Variants in HIBCH observed in about 807,000 individuals in gnomAD.
HIBCH encodes the protein 3-hydroxyisobutyryl-CoA hydrolase, also known as 3-hydroxyisobutyryl-CoA hydrolase, mitochondrial.
In HIBCH, 50 loss-of-function variants were observed where a neutral mutation model predicts 58.2. That is an observed-to-expected ratio of 0.86 (90% CI 0.68 to 1.09). The LOEUF is 1.09. Among genes scored for constraint, HIBCH ranks in the 50% least tolerant of loss-of-function variants. The probability of loss-of-function intolerance (pLI) is 0.00; values close to 1 mark genes in which losing one functional copy is unlikely to be tolerated. For missense variants in HIBCH, 450 were observed against 449.7 expected (o/e 1.00, Z -0.01); for synonymous variants, 151 against 146.9 (o/e 1.03, Z -0.20).
Position 190,286,393 on chromosome 2 carries a change from T to C in HIBCH, c.438+1193A>G, listed in dbSNP as rs576391859. Among the ~76,000 whole-genome samples the C allele has an allele frequency of 3.9e-5, 6 of 152,328 alleles. No homozygotes were observed. The East Asian group carries it at 9.6e-4, about 24-fold the overall frequency. On this transcript the variant is annotated intron_variant, in intron 6 of 13. Transcript: ENST00000359678. ...GGGTCTTCTTTTCTGAAGGCTCCCA[T>C]GTCATGTAAAACTTTGATTAAACAA...
At chr2:190,253,782 C>T (rs1686847163) in intron 7 of HIBCH, among the ~76,000 whole-genome samples, 1 of 152,156 alleles carries the variant, frequency 6.6e-6, no homozygotes, top group African/African-American at 2.4e-5. Flanking sequence ...CCACTACATC[C>T]CTTACTACTC....
In HIBCH at chr2:190,210,991, C is replaced by G. The variant is rs977649356; in HGVS notation, c.1011+1965G>C. Among the ~76,000 whole-genome samples, 2 of 151,928 alleles carry G rather than the reference C, an allele frequency of 1.3e-5. No homozygotes were observed. The highest frequency in any genetic ancestry group is 2.9e-5 in the Non-Finnish European group (2 of 67,994). ...TATAATATATATTTTATGTATTAAT[C>G]TTGTTTACAGTCTATTTCCCCATTA... On this transcript the variant is annotated intron_variant, in intron 12 of 13. Transcript: ENST00000359678. The surrounding 1 kb of genome is among the most constrained non-coding windows in gnomAD (Gnocchi z 5.5).
At chr2:190,201,612 A>T (rs1690246230), downstream of HIBCH, 1 of 167,088 alleles carries the variant, frequency 6.0e-6, no homozygotes, top group African/African-American at 2.4e-5. Flanking sequence ...ACCCACAATC[A>T]AATAGAGTGA....
intron 2 of HIBCH, among the ~76,000 whole-genome samples, chr2:190,299,189 G>C (rs940031657): frequency 7.2e-5 from 11 of 152,070 alleles, no homozygotes; most frequent in Admixed American, 6.6e-4. Flanking sequence ...ACACTTATTA[G>C]CAAAAATCTA....
intron 6 of HIBCH, among the ~76,000 whole-genome samples, chr2:190,282,454 C>T (rs1341209206): frequency 6.6e-6 from 1 of 152,168 alleles, no homozygotes; most frequent in Admixed American, 6.5e-5. Context: ...AGGAAGCAAC[C>T]TCACTTTACA....
At chr2:190,249,339 T>C (rs1300584114) in intron 9 of HIBCH, among the ~76,000 whole-genome samples, 2 of 152,214 alleles carry the variant, frequency 1.3e-5, no homozygotes, top group Non-Finnish European at 1.5e-5. Context: ...CAAATAGTGT[T>C]AACATTGAAC....
intron 6 of HIBCH, among the ~76,000 whole-genome samples, chr2:190,266,750 T>G (rs1314537872): frequency 2.0e-5 from 3 of 149,526 alleles, no homozygotes; most frequent in Non-Finnish European, 4.5e-5. Context: ...TGAGCCGTTT[T>G]TATTTTTAAT....
intron 1 of HIBCH, among the ~76,000 whole-genome samples, chr2:190,198,121 AG>A (rs1690064196): frequency 6.6e-6 from 1 of 152,220 alleles, no homozygotes; most frequent in Admixed American, 6.5e-5. Context: ...AGCGTGAAGC[AG>A]GGCATACAGA....
At chr2:190,310,459 C>A (rs1448266866) in intron 2 of HIBCH, among the ~76,000 whole-genome samples, 8 of 152,102 alleles carry the variant, frequency 5.3e-5, no homozygotes, top group Admixed American at 5.2e-4. Flanking sequence ...TATTATTATT[C>A]TCACTTTATA....
intron 7 of HIBCH, among the ~76,000 whole-genome samples, chr2:190,259,086 C>T (rs995224321): frequency 2.0e-5 from 3 of 152,040 alleles, no homozygotes; most frequent in African/African-American, 4.8e-5. Context: ...TTAAGATTAT[C>T]TTGGCTATTT....
chr2:190,284,284 A>G (rs1463803862), intron 6 of HIBCH, among the ~76,000 whole-genome samples: 1 of 152,214 alleles, frequency 6.6e-6, no homozygotes, highest in African/African-American at 2.4e-5. Flanking sequence ...GAATATATAC[A>G]AACATTATAC....
intron 11 of HIBCH, among the ~76,000 whole-genome samples, chr2:190,222,787 T>C (rs140069589): frequency 6.6e-6 from 1 of 152,290 alleles, no homozygotes; most frequent in Non-Finnish European, 1.5e-5. Context: ...ACCCAAAGGA[T>C]TATAAATCAT....
Position 190,205,235 on chromosome 2 carries a change from G to C in HIBCH, c.1046-3C>G, listed in dbSNP as rs1690361677. 1 of 1,430,806 alleles carries C rather than the reference G, an allele frequency of 7.0e-7. No homozygotes were observed. The highest frequency in any genetic ancestry group is 2.3e-5 in the East Asian group (1 of 43,968). The allele number at this position is 1,430,806 out of a possible 1,614,324, so 88.6% of individuals were successfully genotyped here. A position where few individuals can be genotyped will look rare whatever the true frequency, so the allele number is the denominator to read the frequency against. ...ACTCTGGTCTTTATCAATTAAAACTGTCAAGAGAAGATACAAATGTTAATA... is the reference window on the plus strand; with the variant it reads ...ACTCTGGTCTTTATCAATTAAAACTCTCAAGAGAAGATACAAATGTTAATA... On this transcript the variant is annotated splice_region_variant and splice_polypyrimidine_tract_variant and intron_variant, in intron 13 of 13. Coordinates refer to ENST00000359678, the MANE Select transcript of HIBCH (RefSeq NM_014362.4).
intron 1 of HIBCH, among the ~76,000 whole-genome samples, chr2:190,311,172 A>C (rs571926364): frequency 1.3e-5 from 2 of 152,340 alleles, no homozygotes; most frequent in South Asian, 2.1e-4. Context: ...TAAGCAAAAG[A>C]AGCCAGTCTG....
chr2:190,301,847 T>C (rs573187790), intron 2 of HIBCH, among the ~76,000 whole-genome samples: 19 of 152,332 alleles, frequency 1.2e-4, no homozygotes, highest in African/African-American at 4.6e-4. Flanking sequence ...AGACGCCTAG[T>C]TGACTCCCTT....
intron 11 of HIBCH, chr2:190,213,302 T>C (rs1690557062): frequency 2.0e-6 from 1 of 512,770 alleles, no homozygotes; most frequent in Non-Finnish European, 3.5e-6. Flanking sequence ...ACTAATAAAA[T>C]AAATCCATAT....
In HIBCH at chr2:190,315,993, T is replaced by G. The variant is rs766209460; in HGVS notation, c.35+3723A>C. Among the ~76,000 whole-genome samples, 130 of 152,298 alleles carry G rather than the reference T, an allele frequency of 8.5e-4. No homozygotes were observed. Among genetic ancestry groups the G allele is most frequent in the Non-Finnish European group, 1.5e-3 (100 of 68,022 alleles). On this transcript the variant is annotated intron_variant, in intron 1 of 13. Coordinates refer to ENST00000359678, the MANE Select transcript of HIBCH (RefSeq NM_014362.4). The surrounding 1 kb of genome is among the most constrained non-coding windows in gnomAD (Gnocchi z 5.4). ...GAAAAGTTAGAACTAAAGGTATATC[T>G]TATGCCACATGCATGTACAATCACT... is the stretch of plus-strand genomic sequence containing the variant.
intron 6 of HIBCH, among the ~76,000 whole-genome samples, chr2:190,274,713 G>A (rs1368689105): frequency 6.6e-6 from 1 of 152,146 alleles, no homozygotes; most frequent in Non-Finnish European, 1.5e-5. Context: ...CTCCAAGAGG[G>A]AGCCTAAAAC....
Position 190,291,247 on chromosome 2 carries a change from T to C in HIBCH, c.305-762A>G, listed in dbSNP as rs552032937. Among the ~76,000 whole-genome samples, 4 of 152,354 alleles carry C rather than the reference T, an allele frequency of 2.6e-5. No homozygotes were observed. In the East Asian group the frequency reaches 7.7e-4, roughly 29 times the overall value. On this transcript the variant is annotated intron_variant, in intron 4 of 13. Transcript: ENST00000359678. The stretch of plus-strand genomic sequence containing the variant: ...ACCTACTACATACCAAGTAATGTTT[T>C]AGGTGTTGCAGATAATAAAGACAGC...
Sources: gnomAD v4.1 joint callset for allele counts (sites outside exome capture counted in the v4.1 genomes callset) on GRCh38, gnomAD v4.1.1 for gene constraint, Gnocchi (gnomAD v3.1) non-coding constraint, MANE v1.5 for transcripts, NCBI Gene and HGNC (gene_info 2026-07-23, HGNC 2026-07-21) for gene names.